The following SLC13A3 variants were observed in gnomAD, a reference collection of about 807,000 sequenced individuals.
The protein encoded by SLC13A3 is Na(+)/dicarboxylate cotransporter 3.
A neutral mutation model predicts 59.0 loss-of-function variants in SLC13A3; 40 were observed. That is an observed-to-expected ratio of 0.68 (90% CI 0.53 to 0.88). The LOEUF (loss-of-function observed/expected upper bound fraction) is 0.88, where lower values mean the gene tolerates loss of function less well. Ranked by LOEUF, SLC13A3 falls within the 40% of genes least tolerant of loss-of-function variation. The pLI is 0.00. For missense variants in SLC13A3, 699 were observed against 783.2 expected (o/e 0.89, Z 1.28); for synonymous variants, 317 against 330.3 (o/e 0.96, Z 0.44).
intron 8 of SLC13A3, chr20:46,584,570 T>C (rs997843906): frequency 2.4e-6 from 2 of 837,006 alleles, no homozygotes; most frequent in African/African-American, 3.7e-5. Context: ...AATATCACTA[T>C]CATCAGAGAA....
intron 1 of SLC13A3, among the ~76,000 whole-genome samples, chr20:46,623,477 C>T (rs1435995665): frequency 6.6e-6 from 1 of 152,116 alleles, no homozygotes; most frequent in Non-Finnish European, 1.5e-5. Flanking sequence ...GTGAACCTCC[C>T]ATCTCAGCCT....
chr20:46,596,064 G>T, intron 5 of SLC13A3, 93 bp downstream of exon 5: 1 of 1,179,176 alleles, frequency 8.5e-7, no homozygotes, highest in South Asian at 1.5e-5. Context: ...CCCAGAGAAG[G>T]CCCTCAATAC....
intron 1 of SLC13A3, among the ~76,000 whole-genome samples, chr20:46,637,078 C>G (rs971413015): frequency 3.3e-5 from 5 of 152,124 alleles, no homozygotes; most frequent in African/African-American, 1.2e-4. Context: ...GGATTACAGG[C>G]GTGAGCCACC....
In SLC13A3 at chr20:46,600,025, C is replaced by T. The variant is rs757323050; in HGVS notation, c.554G>A (p.Arg185Lys). 3.2e-6 allele frequency: 5 copies of T among 1,566,108 alleles called. No individual in the cohort carries two copies. Among genetic ancestry groups the T allele is most frequent in the Non-Finnish European group, 4.4e-6 (5 of 1,146,580 alleles). Residue 185 changes from arginine to lysine, a missense_variant, in exon 4 of 13, where the codon AGA becomes AAA. Physicochemically the swap from Arg to Lys is conservative, Grantham distance 26. Transcript: ENST00000279027. ...ESEENTAAVR[R>K]NGLHTVPTEM... ...CGTGGGCACAGTGTGTAGGCCGTTT[C>T]TCCGCACAGCAGCTAGGAGGAAAGA...
chr20:46,669,008 G>A (rs1208999400), intron 1 of SLC13A3, among the ~76,000 whole-genome samples: 2 of 151,662 alleles, frequency 1.3e-5, no homozygotes, highest in Non-Finnish European at 2.9e-5. Flanking sequence ...TTCCTTACTA[G>A]GTATGTTCAT....
At chr20:46,660,320 T>A (rs1305578080) in intron 1 of SLC13A3, among the ~76,000 whole-genome samples, 1 of 152,198 alleles carries the variant, frequency 6.6e-6, no homozygotes, top group Non-Finnish European at 1.5e-5. Context: ...AGTATCTTTA[T>A]TTTTGCTTTT....
At chr20:46,594,279 T>A (rs1007877439) in intron 5 of SLC13A3, among the ~76,000 whole-genome samples, 15 of 150,878 alleles carry the variant, frequency 9.9e-5, no homozygotes, top group African/African-American at 3.6e-4. Context: ...ATACATAAGA[T>A]ATATTTTAGA....
rs537984638 is a variant in SLC13A3 at position 46,559,520 on chromosome 20, C to G, written c.*502G>C. 1 of 152,518 alleles carries G rather than the reference C, an allele frequency of 6.6e-6. No individual in the cohort carries two copies. Among genetic ancestry groups the G allele is most frequent in the Non-Finnish European group, 1.5e-5 (1 of 68,294 alleles). 9.4% of individuals were successfully genotyped at this position (152,518 alleles called of 1,614,324 possible). ...TAAAACAACTGGTGCAGAATGGGCA[C>G]CAACTAAGCAAAATCACACACTGGT... is the stretch of plus-strand genomic sequence containing the variant. On this transcript the variant is annotated 3_prime_UTR_variant, in exon 13 of 13. Transcript: ENST00000279027.
intron 1 of SLC13A3, among the ~76,000 whole-genome samples, chr20:46,636,806 CTTTTT>C: frequency 3.1e-5 from 2 of 64,176 alleles, no homozygotes; most frequent in South Asian, 1.1e-3. Flanking sequence ...TTTTTTTTTT[CTTTTT>C]TTCTTTTTTT....
At chr20:46,665,172 A>T (rs978454553) in intron 1 of SLC13A3, among the ~76,000 whole-genome samples, 2 of 152,082 alleles carry the variant, frequency 1.3e-5, no homozygotes, top group African/African-American at 4.8e-5. Flanking sequence ...AGGCTAAGAC[A>T]GGAGGATCAC....
At chr20:46,654,072 A>G (rs1309834866), upstream of SLC13A3, among the ~76,000 whole-genome samples, 1 of 152,166 alleles carries the variant, frequency 6.6e-6, no homozygotes, top group East Asian at 1.9e-4. Context: ...CACGATGTGC[A>G]AGGGTTCCAG....
At chr20:46,608,804 G>T in intron 3 of SLC13A3, 4 of 1,449,774 alleles carry the variant, frequency 2.8e-6, no homozygotes, top group Non-Finnish European at 3.7e-6. Context: ...TGCTTGTTGT[G>T]TTCACTGAGG....
chr20:46,600,704 A>G, intron 3 of SLC13A3: 2 of 358,084 alleles, frequency 5.6e-6, no homozygotes, highest in Non-Finnish European at 1.2e-5. Context: ...TTTATTGAGC[A>G]CCTACTATGT....
intron 1 of SLC13A3, among the ~76,000 whole-genome samples, chr20:46,618,889 A>G (rs2062587982): frequency 6.6e-6 from 1 of 152,220 alleles, no homozygotes; most frequent in South Asian, 2.1e-4. Flanking sequence ...CTGCCAAGAA[A>G]TAACACTCCA....
intron 2 of SLC13A3, among the ~76,000 whole-genome samples, chr20:46,610,827 T>C (rs1207375393): frequency 6.6e-6 from 1 of 152,196 alleles, no homozygotes; most frequent in Non-Finnish European, 1.5e-5. Context: ...ACCCAGGTTA[T>C]AAAGACATCC....
chr20:46,625,238 G>A (rs932659978), intron 1 of SLC13A3, among the ~76,000 whole-genome samples: 6 of 152,212 alleles, frequency 3.9e-5, no homozygotes, highest in Non-Finnish European at 8.8e-5. Context: ...TCAGGAAGGG[G>A]AGGGGAAAGG....
Position 46,559,911 on chromosome 20 carries a change from C to T in SLC13A3, c.*111G>A. 3 of 1,115,618 alleles carry T rather than the reference C, an allele frequency of 2.7e-6. No homozygotes were observed. Among genetic ancestry groups the T allele is most frequent in the Non-Finnish European group, 3.9e-6 (3 of 770,530 alleles). The allele number at this position is 1,115,618 out of a possible 1,614,324, so 69.1% of individuals were successfully genotyped here. On this transcript the variant is annotated 3_prime_UTR_variant, in exon 13 of 13. Coordinates refer to ENST00000279027, the MANE Select transcript of SLC13A3 (RefSeq NM_022829.6). ...CACTGGAGGTCACCCTTGCTTGCTGCATATTGGATTACAGAAAAGAATTAT... is the reference window on the plus strand; with the variant it reads ...CACTGGAGGTCACCCTTGCTTGCTGTATATTGGATTACAGAAAAGAATTAT...
chr20:46,654,810 C>T (rs899260152), upstream of SLC13A3, among the ~76,000 whole-genome samples: 9 of 152,202 alleles, frequency 5.9e-5, no homozygotes, highest in African/African-American at 2.2e-4. Flanking sequence ...GGATTATAGG[C>T]ATGAGCCACC....
Position 46,571,727 on chromosome 20 carries a change from A to G in SLC13A3, c.1332+3846T>C, listed in dbSNP as rs558791818. ...GGGGGTAGATGTGGTATATAGGAATAGGCAGGGTCATGAGAGGAAGAGGGA... is the reference window on the plus strand; with the variant it reads ...GGGGGTAGATGTGGTATATAGGAATGGGCAGGGTCATGAGAGGAAGAGGGA... On this transcript the variant is annotated intron_variant, in intron 10 of 12. Coordinates refer to ENST00000279027, the MANE Select transcript of SLC13A3 (RefSeq NM_022829.6). Among the ~76,000 whole-genome samples the G allele has an allele frequency of 1.3e-3, 196 of 152,206 alleles. 1 individual carries two copies. Among genetic ancestry groups the G allele is most frequent in the African/African-American group, 4.5e-3 (185 of 41,532 alleles).
Sources: allele counts gnomAD v4.1 joint callset (sites outside exome capture counted in the v4.1 genomes callset), GRCh38; gene constraint gnomAD v4.1.1; transcripts MANE v1.5; gene names NCBI Gene and HGNC (gene_info 2026-07-23, HGNC 2026-07-21).